SLC45A4: variants seen among roughly 807,000 people sequenced by gnomAD.
SLC45A4 encodes the protein solute carrier family 45 member 4.
In SLC45A4, 32 loss-of-function variants were observed where a neutral mutation model predicts 63.7. That is an observed-to-expected ratio of 0.50 (90% CI 0.38 to 0.67). The LOEUF (loss-of-function observed/expected upper bound fraction) is 0.67, where lower values mean the gene tolerates loss of function less well. Among genes scored for constraint, SLC45A4 ranks in the 30% least tolerant of loss-of-function variants. The pLI, the probability that SLC45A4 is intolerant of heterozygous loss-of-function variation, is 0.00. For missense variants in SLC45A4, 1,027 were observed against 1,157.7 expected (o/e 0.89, Z 1.64); for synonymous variants, 535 against 510.0 (o/e 1.05, Z -0.66).
intron 1 of SLC45A4, among the ~76,000 whole-genome samples, chr8:141,267,715 T>C (rs1829333213): frequency 6.7e-6 from 1 of 149,140 alleles, no homozygotes; most frequent in African/African-American, 2.6e-5. Flanking sequence ...AATGAGCATA[T>C]GGAAAGATAC....
chr8:141,296,857 A>AG (rs55757102), intron 1 of SLC45A4, among the ~76,000 whole-genome samples: 1 of 150,814 alleles, frequency 6.6e-6, no homozygotes, highest in Non-Finnish European at 1.5e-5. Flanking sequence ...AAAAAAAAAA[A>AG]GTGGAGGGAA....
chr8:141,221,566 G>A lies in SLC45A4; in HGVS notation c.430+11C>T, dbSNP rs1826635283. ...TGTTGTGAGGACACCAGGTGTGGCC[G>A]AGAAACTTACCGATGGCAGAGCCGT... On this transcript the variant is annotated intron_variant, in intron 3 of 8. Coordinates refer to ENST00000517878, the MANE Select transcript of SLC45A4 (RefSeq NM_001286646.2). 6.2e-7 allele frequency: 1 copy of A among 1,610,034 alleles called. No individual in the cohort carries two copies. The highest frequency in any genetic ancestry group is 8.5e-7 in the Non-Finnish European group (1 of 1,178,448).
intron 3 of SLC45A4, among the ~76,000 whole-genome samples, chr8:141,220,342 G>T (rs990347722): frequency 1.3e-5 from 2 of 152,178 alleles, no homozygotes; most frequent in Non-Finnish European, 2.9e-5. Flanking sequence ...AACTTTAGGG[G>T]CTTTGCACAC....
intron 1 of SLC45A4, among the ~76,000 whole-genome samples, chr8:141,295,955 CCGA>C (rs1830533395): frequency 6.6e-6 from 1 of 152,182 alleles, no homozygotes; most frequent in Admixed American, 6.5e-5. Context: ...CGGGGTCAGC[CCGA>C]CAAGACCACC....
chr8:141,269,634 G>T (rs1023244212), intron 1 of SLC45A4, among the ~76,000 whole-genome samples: 3 of 151,646 alleles, frequency 2.0e-5, no homozygotes, highest in Admixed American at 6.6e-5. Flanking sequence ...CTGTGCGGGG[G>T]GTGTGTGGGG....
At chr8:141,304,152 C>T (rs9650575) in intron 1 of SLC45A4, among the ~76,000 whole-genome samples, 152,280 of 152,290 alleles carry the variant, frequency 1, 76,135 homozygotes, top group Non-Finnish European at 1. Flanking sequence ...CCACCAGCTG[C>T]GGTAGTATGA....
intron 2 of SLC45A4, among the ~76,000 whole-genome samples, chr8:141,222,794 C>T (rs2154614109): frequency 6.6e-6 from 1 of 152,310 alleles, no homozygotes; most frequent in African/African-American, 2.4e-5. Flanking sequence ...AAGGACCCTC[C>T]ACTGTGAGAA....
chr8:141,300,612 G>A (rs991208437), intron 1 of SLC45A4, among the ~76,000 whole-genome samples: 1 of 152,196 alleles, frequency 6.6e-6, no homozygotes, highest in Admixed American at 6.5e-5. Flanking sequence ...CAGGCACAGC[G>A]ATGCCCTGTG....
At chr8:141,277,644 A>G (rs571377962) in intron 1 of SLC45A4, among the ~76,000 whole-genome samples, 1 of 151,310 alleles carries the variant, frequency 6.6e-6, no homozygotes, top group South Asian at 2.1e-4. Flanking sequence ...TTATCTTTAA[A>G]CATTTTTTTT....
intron 2 of SLC45A4, among the ~76,000 whole-genome samples, chr8:141,243,921 T>C (rs1438322344): frequency 1.3e-5 from 2 of 152,234 alleles, no homozygotes. Flanking sequence ...ATAGAAGGTA[T>C]GTGTCAACTG....
rs202082870 is a variant in SLC45A4 at position 141,215,807 on chromosome 8, G to A, written c.1893C>T (p.Ile631=). 46 of 1,613,966 alleles carry A rather than the reference G, an allele frequency of 2.9e-5. No homozygotes were observed. Among genetic ancestry groups the A allele is most frequent in the Middle Eastern group, 3.3e-4 (2 of 6,084 alleles). ...ISTMGIVSMS[I]SYCPYALLGQ... ...CCAGCAGGGCGTACGGGCAGTAGGA[G>A]ATGCTCATGGAGACGATGCCCATGG... The change falls in exon 7 of 9, where the codon ATC becomes ATT. Residue 631 remains isoleucine, a synonymous_variant. Coordinates refer to ENST00000517878, the MANE Select transcript of SLC45A4 (RefSeq NM_001286646.2). The surrounding 1 kb of genome is among the most constrained non-coding windows in gnomAD (Gnocchi z 4.3).
In SLC45A4 at chr8:141,274,146, G is replaced by A. The variant is rs551271686; in HGVS notation, c.-400-19517C>T. On this transcript the variant is annotated intron_variant, in intron 1 of 8. Transcript: ENST00000517878. ...CTGGAGGCTGAGGCAGGAGAATGGCGTGAACCTGGGAGACAGAGTTTACAG... is the reference window on the plus strand; with the variant it reads ...CTGGAGGCTGAGGCAGGAGAATGGCATGAACCTGGGAGACAGAGTTTACAG... 3.8e-3 allele frequency among the ~76,000 whole-genome samples: 583 copies of A among 151,600 alleles called. 8 individuals carry two copies. Among genetic ancestry groups the A allele is most frequent in the African/African-American group, 0.013 (551 of 41,290 alleles).
intron 2 of SLC45A4, among the ~76,000 whole-genome samples, chr8:141,245,253 T>C (rs1828131169): frequency 6.6e-6 from 1 of 152,156 alleles, no homozygotes; most frequent in Non-Finnish European, 1.5e-5. Flanking sequence ...ACTTGGAACA[T>C]GGTCGATTTT....
In SLC45A4 at chr8:141,236,224, G is replaced by C. The variant is rs575186020; in HGVS notation, c.242-14459C>G. 3.9e-5 allele frequency among the ~76,000 whole-genome samples: 6 copies of C among 152,310 alleles called. 1 individual carries two copies. The highest frequency in any genetic ancestry group is 1.2e-4 in the African/African-American group (5 of 41,556). Reference sequence around the variant, plus strand: ...CCCTAACACCAAAGCCCAGGCACTGGCTTCCCAAGCCATGTTTAACTCAAC... The same window carrying C: ...CCCTAACACCAAAGCCCAGGCACTGCCTTCCCAAGCCATGTTTAACTCAAC... On this transcript the variant is annotated intron_variant, in intron 2 of 8. Transcript: ENST00000517878.
chr8:141,217,358 T>C (rs1826221481), intron 5 of SLC45A4, among the ~76,000 whole-genome samples, 169 bp from the exon 6 acceptor site: 1 of 152,218 alleles, frequency 6.6e-6, no homozygotes, highest in African/African-American at 2.4e-5. Context: ...CTGTAAAGCA[T>C]TTCCATGCCT....
rs1249344910 is a variant in SLC45A4, at chr8:141,229,536, G to A, written c.242-7771C>T. Among the ~76,000 whole-genome samples the A allele has an allele frequency of 6.6e-6, 1 of 152,096 alleles. No homozygotes were observed. The highest frequency in any genetic ancestry group is 1.5e-5 in the Non-Finnish European group (1 of 68,010). On this transcript the variant is annotated intron_variant, in intron 2 of 8. Coordinates refer to ENST00000517878, the MANE Select transcript of SLC45A4 (RefSeq NM_001286646.2). This position sits in a 1 kb window ranked among gnomAD's most constrained non-coding sequence, Gnocchi z 5.0. ...GGTGTCCAGGCACTCCCTTGTCAAG[G>A]CCACAAGCTTCAAGGCAGTGGGACC...
At chr8:141,286,738 GC>G (rs1291137083) in intron 1 of SLC45A4, among the ~76,000 whole-genome samples, 3 of 70,152 alleles carry the variant, frequency 4.3e-5, no homozygotes, top group African/African-American at 1.1e-4. Flanking sequence ...CAGCCCCCCC[GC>G]CCCCCCGCTC....
chr8:141,279,020 GC>G (rs2154615049), intron 1 of SLC45A4, among the ~76,000 whole-genome samples: 1 of 152,234 alleles, frequency 6.6e-6, no homozygotes, highest in East Asian at 1.9e-4. Flanking sequence ...CACAGGCTTG[GC>G]TGGGCCTGGC....
At chr8:141,257,045 G>C (rs1286310541) in intron 1 of SLC45A4, among the ~76,000 whole-genome samples, 1 of 152,060 alleles carries the variant, frequency 6.6e-6, no homozygotes, top group African/African-American at 2.4e-5. Context: ...GTAGACACAG[G>C]GTTTCACCAT....
Sources: gnomAD v4.1 joint callset for allele counts (sites outside exome capture counted in the v4.1 genomes callset) on GRCh38, gnomAD v4.1.1 for gene constraint, Gnocchi (gnomAD v3.1) non-coding constraint, MANE v1.5 for transcripts, NCBI Gene and HGNC (gene_info 2026-07-23, HGNC 2026-07-21) for gene names.